CNTN4: variants seen among roughly 807,000 people sequenced by gnomAD.
The protein encoded by CNTN4 is contactin 4, also known as contactin-4.
A neutral mutation model predicts 122.5 loss-of-function variants in CNTN4; 77 were observed. The ratio of observed to expected loss-of-function variants is 0.63; its 90% confidence interval spans 0.52 to 0.76. The LOEUF (loss-of-function observed/expected upper bound fraction) is 0.76, where lower values mean the gene tolerates loss of function less well. CNTN4 is among the 30% of genes least tolerant of loss of function. The probability of loss-of-function intolerance (pLI) is 0.00; values close to 1 mark genes in which losing one functional copy is unlikely to be tolerated. For synonymous variants in CNTN4, 512 were observed against 447.0 expected (o/e 1.15, Z -1.83); for missense variants, 1,256 against 1,259.1 (o/e 1.00, Z 0.04).
intron 4 of CNTN4, among the ~76,000 whole-genome samples, chr3:2,604,037 G>A (rs977750823): frequency 3.3e-5 from 5 of 152,154 alleles, no homozygotes; most frequent in African/African-American, 4.8e-5. Context: ...AAAGGGAAAT[G>A]TGGCAAATCA....
At chr3:2,539,879 T>C (rs377761339) in intron 3 of CNTN4, among the ~76,000 whole-genome samples, 1 of 152,094 alleles carries the variant, frequency 6.6e-6, no homozygotes, top group African/African-American at 2.4e-5. Context: ...CTTTGCATAC[T>C]ATAAAATGCC....
chr3:2,726,900 C>T (rs2088267918), intron 4 of CNTN4, among the ~76,000 whole-genome samples: 3 of 152,156 alleles, frequency 2.0e-5, no homozygotes, highest in African/African-American at 7.2e-5. Context: ...AAGATGTTAA[C>T]AATACGGGAA....
At chr3:2,107,798 G>GTTTT (rs1240393399) in intron 2 of CNTN4, among the ~76,000 whole-genome samples, 5 of 152,080 alleles carry the variant, frequency 3.3e-5, no homozygotes, top group Non-Finnish European at 5.9e-5. Context: ...TTGTTTGTTT[G>GTTTT]TTTTCCTGAG....
At chr3:2,677,449 T>G (rs1171178923) in intron 4 of CNTN4, among the ~76,000 whole-genome samples, 1 of 62,236 alleles carries the variant, frequency 1.6e-5, no homozygotes, top group African/African-American at 6.2e-5. Context: ...TACATAGATA[T>G]AGAGATCTAT....
intron 6 of CNTN4, among the ~76,000 whole-genome samples, chr3:2,781,828 C>A (rs1240783027): frequency 7.4e-6 from 1 of 135,104 alleles, no homozygotes; most frequent in African/African-American, 3.3e-5. Flanking sequence ...GGGTTCCCGC[C>A]ATTCTCCTGC....
intron 3 of CNTN4, among the ~76,000 whole-genome samples, chr3:2,346,844 G>A (rs1173489511): frequency 6.6e-6 from 1 of 152,078 alleles, no homozygotes; most frequent in African/African-American, 2.4e-5. Context: ...ACGCTATTCT[G>A]TTTTCCAACC....
intron 3 of CNTN4, among the ~76,000 whole-genome samples, chr3:2,490,152 A>G (rs1021723543): frequency 2.8e-3 from 8 of 2,818 alleles, no homozygotes; most frequent in Non-Finnish European, 5.2e-3. Context: ...CAAAAAGGAA[A>G]AAAGAAAACA....
intron 7 of CNTN4, 111 bp from the exon 8 acceptor site, chr3:2,866,639 AAG>A (rs1307258413): frequency 6.4e-6 from 8 of 1,248,028 alleles, no homozygotes; most frequent in Non-Finnish European, 9.3e-6. Flanking sequence ...TGGGCTGAAA[AAG>A]AGTCATTGGA....
At chr3:2,604,360 A>G (rs926985460) in intron 4 of CNTN4, among the ~76,000 whole-genome samples, 2 of 152,160 alleles carry the variant, frequency 1.3e-5, no homozygotes, top group African/African-American at 4.8e-5. Context: ...TTATTCAACA[A>G]ATAATTTTCA....
At chr3:2,904,772 T>A (rs558498334) in intron 12 of CNTN4, among the ~76,000 whole-genome samples, 1 of 152,326 alleles carries the variant, frequency 6.6e-6, no homozygotes, top group Admixed American at 6.5e-5. Flanking sequence ...CTCTACTCTA[T>A]ATCAGCTAGT....
At chr3:2,785,114 T>TACACACAC (rs150765167) in intron 6 of CNTN4, among the ~76,000 whole-genome samples, 220 of 138,918 alleles carry the variant, frequency 1.6e-3, no homozygotes, top group East Asian at 0.011. Context: ...TGTACATGCG[T>TACACACAC]ACACACACAC....
chr3:2,122,579 C>T (rs987491961), intron 2 of CNTN4, among the ~76,000 whole-genome samples: 1 of 152,124 alleles, frequency 6.6e-6, no homozygotes, highest in African/African-American at 2.4e-5. Context: ...TCTTTGTAAA[C>T]ATGTGTGATT....
rs371733458 is a variant in CNTN4 at position 2,704,176 on chromosome 3, A to G, written c.56-32039A>G. 3.2e-4 allele frequency among the ~76,000 whole-genome samples: 48 copies of G among 151,686 alleles called. No individual in the cohort carries two copies. The East Asian group carries it at 7.2e-3, about 23-fold the overall frequency. On this transcript the variant is annotated intron_variant, in intron 4 of 24. Coordinates refer to ENST00000418658, the MANE Select transcript of CNTN4 (RefSeq NM_175607.3). The stretch of plus-strand genomic sequence containing the variant: ...GCCAGGTGTGGTGGCATACACCTGT[A>G]GTCCCCAGTACTCGGGAGGCTGAGG...
intron 4 of CNTN4, among the ~76,000 whole-genome samples, chr3:2,642,269 C>T (rs1332620300): frequency 3.3e-5 from 5 of 152,148 alleles, no homozygotes; most frequent in Admixed American, 2.6e-4. Context: ...AGATTAAGCC[C>T]GTTCAGTCTT....
At chr3:2,429,330 A>T (rs952773007) in intron 3 of CNTN4, among the ~76,000 whole-genome samples, 4 of 152,070 alleles carry the variant, frequency 2.6e-5, no homozygotes, top group African/African-American at 9.7e-5. Flanking sequence ...GGTCTGTTGG[A>T]GTTTGCTGGA....
chr3:2,702,848 G>T (rs2086436180), intron 4 of CNTN4, among the ~76,000 whole-genome samples: 3 of 152,180 alleles, frequency 2.0e-5, no homozygotes, highest in African/African-American at 7.2e-5. Context: ...AACCATTAGA[G>T]ATTTCTTTTG....
chr3:2,441,043 A>T (rs1014428862), intron 3 of CNTN4, among the ~76,000 whole-genome samples: 1 of 151,612 alleles, frequency 6.6e-6, no homozygotes, highest in Non-Finnish European at 1.5e-5. Flanking sequence ...ATGGCCCTGT[A>T]TTTGATTAAT....
intron 4 of CNTN4, among the ~76,000 whole-genome samples, chr3:2,705,876 AT>A (rs374855392): frequency 0.075 from 6,630 of 88,970 alleles, 247 homozygotes; most frequent in South Asian, 0.16. Flanking sequence ...TATAATATAT[AT>A]TTTTTATATA....
At chr3:2,225,687 C>A (rs953641281) in intron 2 of CNTN4, among the ~76,000 whole-genome samples, 2 of 152,160 alleles carry the variant, frequency 1.3e-5, no homozygotes, top group Non-Finnish European at 2.9e-5. Context: ...TAAACTTATT[C>A]TTTACTGTGC....
Sources: allele counts gnomAD v4.1 joint callset (sites outside exome capture counted in the v4.1 genomes callset), GRCh38; gene constraint gnomAD v4.1.1; transcripts MANE v1.5; gene names NCBI Gene and HGNC (gene_info 2026-07-23, HGNC 2026-07-21).